LRP2: variants seen among roughly 807,000 people sequenced by gnomAD.
LRP2 encodes LDL receptor related protein 2, also known as low-density lipoprotein receptor-related protein 2.
A neutral mutation model predicts 531.0 loss-of-function variants in LRP2; 172 were observed. The observed-to-expected ratio is 0.32, with a 90% confidence interval of 0.29 to 0.37. The LOEUF is 0.37. Among genes scored for constraint, LRP2 ranks in the 10% least tolerant of loss-of-function variants. The pLI, the probability that LRP2 is intolerant of heterozygous loss-of-function variation, is 1.00. For missense variants in LRP2, 5,167 were observed against 5,868.3 expected (o/e 0.88, Z 3.90); for synonymous variants, 1,992 against 2,027.6 (o/e 0.98, Z 0.47).
rs1688205931 is a variant in LRP2 at position 169,201,632 on chromosome 2, A to G, written c.8448T>C (p.Asn2816=). ...AAGCACTTAAGATAAACTTACGGCA[A>G]TTTTTCTCATCTGAAGTGTTATTAT... The part of the protein sequence containing the change: ...CHDNNTSDEK[N]CPDRTCQSGY... Residue 2816 remains asparagine (N), a synonymous_variant, in exon 44 of 79, where the codon AAT becomes AAC. Transcript: ENST00000649046. 3.1e-6 allele frequency: 5 copies of G among 1,614,012 alleles called. No individual in the cohort carries two copies. Among genetic ancestry groups the G allele is most frequent in the African/African-American group, 2.7e-5 (2 of 74,914 alleles).
intron 34 of LRP2, among the ~76,000 whole-genome samples, chr2:169,219,060 A>G (rs1326047082): frequency 1.3e-5 from 2 of 152,242 alleles, no homozygotes; most frequent in African/African-American, 4.8e-5. Context: ...TGTCTGATAA[A>G]CGAAAAACAA....
intron 42 of LRP2, 116 bp downstream of exon 42, chr2:169,203,866 A>G: frequency 9.1e-7 from 1 of 1,095,998 alleles, no homozygotes. Context: ...TTCATAAATT[A>G]CCCTGACATC....
intron 1 of LRP2, among the ~76,000 whole-genome samples, chr2:169,345,659 T>C (rs1379896600): frequency 6.7e-6 from 1 of 149,034 alleles, no homozygotes; most frequent in African/African-American, 2.5e-5. Flanking sequence ...TTTTTAAAAT[T>C]AAAGCACTTC....
intron 3 of LRP2, among the ~76,000 whole-genome samples, chr2:169,318,545 A>G (rs374602283): frequency 3.3e-5 from 5 of 152,166 alleles, no homozygotes; most frequent in African/African-American, 1.2e-4. Flanking sequence ...AACCTATCTC[A>G]CTTCCAAATT....
intron 1 of LRP2, among the ~76,000 whole-genome samples, chr2:169,341,375 A>G (rs1399414921): frequency 6.6e-6 from 1 of 152,214 alleles, no homozygotes; most frequent in Admixed American, 6.5e-5. Context: ...CCCTCTAAAG[A>G]CACTAAGTGC....
chr2:169,247,638 C>A, intron 19 of LRP2, 123 bp from the exon 20 acceptor site: 1 of 1,025,426 alleles, frequency 9.8e-7, no homozygotes, highest in African/African-American at 1.6e-5. Context: ...CCATAAATAT[C>A]TGTAATATGT....
At chr2:169,160,690 A>AAAAAAC (rs1553487439) in intron 63 of LRP2, among the ~76,000 whole-genome samples, 1 of 147,106 alleles carries the variant, frequency 6.8e-6, no homozygotes, top group Non-Finnish European at 1.5e-5. Flanking sequence ...CTTAAAAAAA[A>AAAAAAC]AAAAACCTGC....
rs547141857 is a variant in LRP2, at chr2:169,141,231, C to T, written c.13109-686G>A. On this transcript the variant is annotated intron_variant, in intron 71 of 78. Coordinates refer to ENST00000649046, the MANE Select transcript of LRP2 (RefSeq NM_004525.3). ...TACCCTCCTGGCTCAGTCCTTCAAT[C>T]TGAGTCTCCACTCAATGTTCACTGT... Among the ~76,000 whole-genome samples, 54 of 152,326 alleles carry T rather than the reference C, an allele frequency of 3.5e-4. 1 individual carries two copies. Among genetic ancestry groups the T allele is most frequent in the African/African-American group, 1.3e-3 (54 of 41,572 alleles).
chr2:169,143,005 A>G (rs1369301622), intron 70 of LRP2, among the ~76,000 whole-genome samples: 7 of 152,048 alleles, frequency 4.6e-5, no homozygotes, highest in Non-Finnish European at 1.0e-4. Context: ...CCCTCCAGCC[A>G]ATTTCTGTAC....
At chr2:169,243,292 C>G in intron 23 of LRP2, 111 bp downstream of exon 23, 1 of 1,327,536 alleles carries the variant, frequency 7.5e-7, no homozygotes. Flanking sequence ...CTCTAGCTCC[C>G]CACCCCCCAA....
At chr2:169,308,140 C>A (rs1684478211) in intron 3 of LRP2, among the ~76,000 whole-genome samples, 1 of 152,030 alleles carries the variant, frequency 6.6e-6, no homozygotes. Context: ...ACGTGATCAT[C>A]TAAAAAATAT....
intron 34 of LRP2, among the ~76,000 whole-genome samples, chr2:169,218,844 A>C (rs987494503): frequency 2.0e-5 from 3 of 152,184 alleles, no homozygotes; most frequent in Non-Finnish European, 4.4e-5. Flanking sequence ...CTCCTACTGA[A>C]GATGGCAGAG....
chr2:169,200,871 A>G (rs1688181924), intron 44 of LRP2, among the ~76,000 whole-genome samples: 1 of 152,210 alleles, frequency 6.6e-6, no homozygotes, highest in Admixed American at 6.5e-5. Context: ...GGGTGAAAGG[A>G]TGATGGGAGC....
intron 77 of LRP2, among the ~76,000 whole-genome samples, chr2:169,129,588 A>T (rs1685211717): frequency 6.6e-6 from 1 of 152,130 alleles, no homozygotes. Context: ...AACATCTAAC[A>T]TTTATTGAGT....
At chr2:169,312,125 C>T (rs1230076137) in intron 3 of LRP2, among the ~76,000 whole-genome samples, 1 of 152,046 alleles carries the variant, frequency 6.6e-6, no homozygotes, top group Non-Finnish European at 1.5e-5. Context: ...TTCCTGAATA[C>T]AGCACACTGA....
intron 1 of LRP2, among the ~76,000 whole-genome samples, chr2:169,329,324 C>T (rs767144830): frequency 6.6e-5 from 10 of 152,162 alleles, no homozygotes; most frequent in Non-Finnish European, 1.3e-4. Context: ...AGGCAGATCA[C>T]TTGAGGCCAG....
At chr2:169,314,436 A>T (rs988164597) in intron 3 of LRP2, among the ~76,000 whole-genome samples, 5 of 151,958 alleles carry the variant, frequency 3.3e-5, no homozygotes, top group African/African-American at 1.2e-4. Context: ...AAAAAAAAAA[A>T]ATATGTAAAA....
At chr2:169,207,391 A>C in intron 38 of LRP2, 141 bp from the exon 39 acceptor site, 1 of 671,114 alleles carries the variant, frequency 1.5e-6, no homozygotes, top group Non-Finnish European at 2.6e-6. Flanking sequence ...ATAGTGTCCC[A>C]GTCTAGGCTT....
chr2:169,279,651 G>A, intron 11 of LRP2, 56 bp from the exon 12 acceptor site: 1 of 1,130,796 alleles, frequency 8.8e-7, no homozygotes, highest in Non-Finnish European at 1.3e-6. Flanking sequence ...TACGTGGTTT[G>A]TTTTGATTTT....
Sources: allele counts gnomAD v4.1 joint callset (sites outside exome capture counted in the v4.1 genomes callset), GRCh38; gene constraint gnomAD v4.1.1; transcripts MANE v1.5; gene names NCBI Gene and HGNC (gene_info 2026-07-23, HGNC 2026-07-21).